Variants in HNRNPM observed in about 807,000 individuals in gnomAD.
HNRNPM encodes CEA receptor.
In HNRNPM, 11 loss-of-function variants were observed where a neutral mutation model predicts 73.1. The ratio of observed to expected loss-of-function variants is 0.15; its 90% CI spans 0.09 to 0.25. The LOEUF (loss-of-function observed/expected upper bound fraction) is 0.25, where lower values mean the gene tolerates loss of function less well. HNRNPM is among the 10% of genes least tolerant of loss of function. HNRNPM has a pLI of 1.00. For missense variants in HNRNPM, 789 were observed against 1,067.9 expected, an observed-to-expected ratio of 0.74 and a Z score of 3.64; for synonymous variants, 407 against 355.2, an observed-to-expected ratio of 1.15 and a Z score of -1.64.
chr19:8,446,106 G>A (rs1181523630), intron 1 of HNRNPM, among the ~76,000 whole-genome samples: 1 of 152,114 alleles, frequency 6.6e-6, no homozygotes, highest in Admixed American at 6.6e-5. Context: ...GGGAAGCCTG[G>A]GTACACATTG....
rs369513340 is a variant in HNRNPM at position 8,486,298 on chromosome 19, G to A, written c.1870G>A (p.Glu624Lys). 8 of 1,600,582 alleles carry A rather than the reference G, an allele frequency of 5.0e-6. No individual in the cohort carries two copies. The highest frequency in any genetic ancestry group is 6.8e-6 in the Non-Finnish European group (8 of 1,179,884). The stretch of plus-strand genomic sequence containing the variant: ...CGGTGCCAGCTTTGACCGTGCCATC[G>A]AGATGGAGCGTGGCAACTTCGGAGG... Reference protein sequence around the residue: ...GGGASFDRAIEMERGNFGGSF... With the variant: ...GGGASFDRAIKMERGNFGGSF... Residue 624 changes from glutamate (E) to lysine (K), a missense_variant, in exon 14 of 16, where the codon GAG becomes AAG. Glu to Lys is a moderately conservative substitution (Grantham distance 56, BLOSUM62 1). Around this residue, in one of 4 missense-constraint regions of HNRNPM, gnomAD observed 604 missense variants for 744.0 expected, o/e 0.81. Transcript: ENST00000325495.
At chr19:8,486,869 G>A (rs1971349349) in intron 14 of HNRNPM, among the ~76,000 whole-genome samples, 155 bp from the exon 15 acceptor site, 1 of 152,178 alleles carries the variant, frequency 6.6e-6, no homozygotes, top group East Asian at 1.9e-4. Flanking sequence ...TGTCCCACAT[G>A]TATCTATTAG....
chr19:8,451,667 G>A (rs549224689), intron 1 of HNRNPM, among the ~76,000 whole-genome samples: 31 of 152,040 alleles, frequency 2.0e-4, no homozygotes, highest in African/African-American at 5.8e-4. Flanking sequence ...AGCTGGGACC[G>A]CAGTTGTGCA....
rs566722070 is a variant in HNRNPM, at chr19:8,485,341, A to C, written c.1175-262A>C. 2.6e-5 allele frequency among the ~76,000 whole-genome samples: 4 copies of C among 152,306 alleles called. No individual in the cohort carries two copies. In the South Asian group the frequency reaches 8.3e-4, roughly 32 times the overall value. On this transcript the variant is annotated intron_variant, in intron 13 of 15. Transcript: ENST00000325495. ...AGCTTGTCACAGACACTAGCACCTC[A>C]CAGACACACATACAGGGGTGTTCTT...
At chr19:8,476,668 A>C (rs1276110092) in intron 12 of HNRNPM, among the ~76,000 whole-genome samples, 2 of 152,234 alleles carry the variant, frequency 1.3e-5, no homozygotes, top group Middle Eastern at 3.4e-3. Flanking sequence ...ATTGGAGTTC[A>C]CGGTGCTCCC....
intron 1 of HNRNPM, among the ~76,000 whole-genome samples, chr19:8,447,757 C>T (rs1212293261): frequency 6.6e-6 from 1 of 152,058 alleles, no homozygotes; most frequent in East Asian, 1.9e-4. Context: ...CTGGGCCCGG[C>T]GGCTCACGCC....
At position 8,486,453 on chromosome 19, in the gene HNRNPM, CAG is replaced by C. The variant is rs768954096; in HGVS notation, c.1977+49_1977+50del. 128 of 1,470,446 alleles carry C rather than the reference CAG, an allele frequency of 8.7e-5. No homozygotes were observed. In the South Asian group the frequency reaches 9.6e-4, roughly 11 times the overall value. The allele number at this position is 1,470,446 out of a possible 1,614,324, so 91.1% of individuals were successfully genotyped here. ...CTTGGTGGTGGTGAGCATGAGGGGA[CAG>C]GGGAGGCAAAGATCAGCAGGATGAA... is the stretch of plus-strand genomic sequence containing the variant. On this transcript the variant is annotated intron_variant, in intron 14 of 15. Coordinates refer to ENST00000325495, the MANE Select transcript of HNRNPM (RefSeq NM_005968.5).
At chr19:8,465,837 C>G (rs775573871) in intron 6 of HNRNPM, among the ~76,000 whole-genome samples, 7 of 152,092 alleles carry the variant, frequency 4.6e-5, no homozygotes, top group Non-Finnish European at 1.0e-4. Flanking sequence ...TGCACTGACA[C>G]CTTCCTCTTG....
At position 8,445,337 on chromosome 19, in the gene HNRNPM, C is replaced by T. The variant is rs961930413; in HGVS notation, c.113+226C>T. 1.0e-4 allele frequency: 41 copies of T among 394,100 alleles called. 1 individual carries two copies. The highest frequency in any genetic ancestry group is 3.6e-4 in the Admixed American group (8 of 22,050). The allele number at this position is 394,100 out of a possible 1,614,324, so 24.4% of individuals were successfully genotyped here. A position where few individuals can be genotyped will look rare whatever the true frequency, so the allele number is the denominator to read the frequency against. Reference sequence around the variant, plus strand: ...GGCCTCGAGCCTCGCCACCCTCAGTCCCTCCAGGCCGGGGCCAACCCCGTA... The same window carrying T: ...GGCCTCGAGCCTCGCCACCCTCAGTTCCTCCAGGCCGGGGCCAACCCCGTA... On this transcript the variant is annotated intron_variant, in intron 1 of 15. Transcript: ENST00000325495.
At position 8,463,641 on chromosome 19, in the gene HNRNPM, C is replaced by T. The variant is rs753072620; in HGVS notation, c.393C>T (p.Val131=). 46 of 1,613,862 alleles carry T rather than the reference C, an allele frequency of 2.9e-5. No homozygotes were observed. Among genetic ancestry groups the T allele is most frequent in the Non-Finnish European group, 3.5e-5 (41 of 1,179,880 alleles). The change falls in exon 5 of 16, where the codon GTC becomes GTT. Residue 131 remains valine (V), a synonymous_variant. Transcript: ENST00000325495. ...AGAGCATGAAAAAAGCTGCGGAAGT[C>T]CTAAACAAGCATAGTCTGAGCGGAA... ...MEESMKKAAE[V]LNKHSLSGRP...
At chr19:8,470,861 GT>G (rs1970079359) in intron 9 of HNRNPM, among the ~76,000 whole-genome samples, 1 of 152,178 alleles carries the variant, frequency 6.6e-6, no homozygotes. Context: ...TAGCTTCATT[GT>G]TACTAAAACC....
intron 12 of HNRNPM, among the ~76,000 whole-genome samples, chr19:8,476,187 C>T (rs1042086606): frequency 6.6e-6 from 1 of 152,022 alleles, no homozygotes; most frequent in East Asian, 1.9e-4. Flanking sequence ...CTTAGATGTT[C>T]TGAGATACGG....
chr19:8,457,042 T>C (rs1969075182), intron 2 of HNRNPM, among the ~76,000 whole-genome samples: 1 of 152,248 alleles, frequency 6.6e-6, no homozygotes, highest in African/African-American at 2.4e-5. Context: ...ATTTGTGTTC[T>C]CGTGATTTGG....
intron 1 of HNRNPM, 122 bp downstream of exon 1, chr19:8,445,233 G>T (rs926577563): frequency 5.7e-6 from 5 of 871,706 alleles, no homozygotes; most frequent in Admixed American, 8.6e-5. Flanking sequence ...GGCTGTTCCC[G>T]TACCGCCTGC....
At chr19:8,477,013 GTTAA>G (rs1327827411) in intron 12 of HNRNPM, among the ~76,000 whole-genome samples, 3 of 152,090 alleles carry the variant, frequency 2.0e-5, no homozygotes, top group Non-Finnish European at 1.5e-5. Context: ...GCCAGTCCTT[GTTAA>G]TTCATAATGT....
At chr19:8,488,261 C>T (rs1971456064) in intron 15 of HNRNPM, 1 of 155,166 alleles carries the variant, frequency 6.4e-6, no homozygotes, top group Non-Finnish European at 1.4e-5. Flanking sequence ...TGACACATAT[C>T]TGGATGCTTA....
rs1272981680 is a variant in HNRNPM at position 8,449,843 on chromosome 19, T to A, written c.113+4732T>A. Among the ~76,000 whole-genome samples the A allele has an allele frequency of 1.3e-5, 2 of 152,026 alleles. 1 individual carries two copies. Among genetic ancestry groups the A allele is most frequent in the Non-Finnish European group, 2.9e-5 (2 of 67,996 alleles). Reference sequence around the variant, plus strand: ...AGCCACCGCGCCCGGCCTAAGAGTCTCTTTTAAAGCTGTAAGCGTGTAGGT... The same window carrying A: ...AGCCACCGCGCCCGGCCTAAGAGTCACTTTTAAAGCTGTAAGCGTGTAGGT... On this transcript the variant is annotated intron_variant, in intron 1 of 15. Transcript: ENST00000325495.
intron 6 of HNRNPM, among the ~76,000 whole-genome samples, chr19:8,465,916 T>C (rs2090743380): frequency 6.6e-6 from 1 of 152,120 alleles, no homozygotes; most frequent in Non-Finnish European, 1.5e-5. Context: ...TAAAGTAGGT[T>C]GGGTGGGGTG....
At chr19:8,473,373 A>G (rs1970288190) in intron 10 of HNRNPM, among the ~76,000 whole-genome samples, 1 of 152,100 alleles carries the variant, frequency 6.6e-6, no homozygotes, top group Non-Finnish European at 1.5e-5. Context: ...AGGCAGGAGA[A>G]TTGCTTGAAC....
Sources: gnomAD v4.1 joint callset for allele counts (sites outside exome capture counted in the v4.1 genomes callset) on GRCh38, gnomAD v4.1.1 for gene constraint, gnomAD v4.1.1 regional missense constraint, MANE v1.5 for transcripts, NCBI Gene and HGNC (gene_info 2026-07-23, HGNC 2026-07-21) for gene names.